Variants in CLOCK observed in about 807,000 individuals in gnomAD.
CLOCK encodes clock circadian regulator.
Under a neutral mutation model 118.4 loss-of-function variants are expected in CLOCK, and 43 were observed. The ratio of observed to expected loss-of-function variants is 0.36; its 90% CI spans 0.28 to 0.47. The LOEUF is 0.47. Among genes scored for constraint, CLOCK ranks in the 20% least tolerant of loss-of-function variants. The pLI, the probability that CLOCK is intolerant of heterozygous loss-of-function variation, is 1.00. For missense variants in CLOCK, 846 were observed against 999.9 expected (o/e 0.85, Z 2.08); for synonymous variants, 326 against 339.2 (o/e 0.96, Z 0.43).
rs537225159 is a variant in CLOCK, at chr4:55,522,515, G to A, written c.-289-12450C>T. 1.3e-4 allele frequency among the ~76,000 whole-genome samples: 19 copies of A among 149,214 alleles called. No individual in the cohort carries two copies. The South Asian group carries it at 4.0e-3, about 31-fold the overall frequency. The stretch of plus-strand genomic sequence containing the variant: ...AAACTGTTTTTTTTTAAAAAAAAAA[G>A]AAGCATAAAGAACGAATAAACATAA... On this transcript the variant is annotated intron_variant, in intron 1 of 22. Transcript: ENST00000513440.
intron 1 of CLOCK, among the ~76,000 whole-genome samples, chr4:55,528,295 G>A (rs2110080651): frequency 6.6e-6 from 1 of 151,682 alleles, no homozygotes; most frequent in East Asian, 1.9e-4. Flanking sequence ...GCAGTGAGCC[G>A]AGATCATGCC....
At chr4:55,525,413 TATG>T (rs1207708964) in intron 1 of CLOCK, among the ~76,000 whole-genome samples, 1 of 152,178 alleles carries the variant, frequency 6.6e-6, no homozygotes, top group African/African-American at 2.4e-5. Context: ...AATTGGTAAT[TATG>T]ATAAGCTATG....
intron 8 of CLOCK, among the ~76,000 whole-genome samples, chr4:55,470,381 C>T (rs1304927198): frequency 6.6e-6 from 1 of 152,146 alleles, no homozygotes; most frequent in African/African-American, 2.4e-5. Context: ...AGTCTAAGAG[C>T]AACAGGCTAT....
At chr4:55,530,213 A>C (rs1384767752) in intron 1 of CLOCK, among the ~76,000 whole-genome samples, 1 of 151,740 alleles carries the variant, frequency 6.6e-6, no homozygotes, top group East Asian at 1.9e-4. Flanking sequence ...CGAAGGACAA[A>C]GATAAGATAC....
At chr4:55,449,328 G>A (rs1258353205) in intron 17 of CLOCK, 68 bp downstream of exon 17, 3 of 1,376,420 alleles carry the variant, frequency 2.2e-6, no homozygotes, top group African/African-American at 1.4e-5. Flanking sequence ...ATGAATTTCT[G>A]AAGATTTAGA....
chr4:55,470,463 C>T (rs1217972002), intron 8 of CLOCK, among the ~76,000 whole-genome samples: 2 of 152,096 alleles, frequency 1.3e-5, no homozygotes, highest in Non-Finnish European at 2.9e-5. Flanking sequence ...ATGATGTTCA[C>T]ACAGTGACAA....
chr4:55,541,716 C>A (rs1028803681), intron 1 of CLOCK, among the ~76,000 whole-genome samples: 2 of 151,988 alleles, frequency 1.3e-5, no homozygotes, highest in African/African-American at 4.8e-5. Flanking sequence ...TTCTAGCAAT[C>A]CTGAAATGAT....
At chr4:55,440,368 A>C (rs541306392) in intron 21 of CLOCK, among the ~76,000 whole-genome samples, 13 of 152,174 alleles carry the variant, frequency 8.5e-5, no homozygotes, top group Middle Eastern at 3.4e-3. Flanking sequence ...CAATAACCCC[A>C]AAAAAATGAT....
At chr4:55,448,594 A>ATG (rs1553891179) in intron 18 of CLOCK, among the ~76,000 whole-genome samples, 185 bp downstream of exon 18, 19 of 81,340 alleles carry the variant, frequency 2.3e-4, no homozygotes, top group Admixed American at 1.1e-3. Context: ...GCGCGCGCGC[A>ATG]CGCGCGCGTG....
chr4:55,436,008 C>T (rs1193928027), intron 22 of CLOCK, among the ~76,000 whole-genome samples: 3 of 152,118 alleles, frequency 2.0e-5, no homozygotes, highest in Admixed American at 6.6e-5. Context: ...CTGGTTAGAG[C>T]GGCACAGTTA....
chr4:55,545,904 G>C (rs1431986568), intron 1 of CLOCK: 2 of 152,210 alleles, frequency 1.3e-5, no homozygotes, highest in African/African-American at 2.4e-5. Context: ...GCCAACCCTC[G>C]AACCCGCGCG....
In CLOCK at chr4:55,476,143, A is replaced by T. The variant is rs1183128177; in HGVS notation, c.257-89T>A. 7 of 850,998 alleles carry T rather than the reference A, an allele frequency of 8.2e-6. No homozygotes were observed. The African/African-American group carries it at 1.2e-4, about 14-fold the overall frequency. The allele number at this position is 850,998 out of a possible 1,614,324, so 52.7% of individuals were successfully genotyped here. On this transcript the variant is annotated intron_variant, in intron 6 of 22. Transcript: ENST00000513440. ...AGTTATCTTGTCTCTTCCCATTCTA[A>T]TTAAAGATGACAACCGTAGGCATTA...
chr4:55,511,368 A>C (rs1729137650), intron 1 of CLOCK, among the ~76,000 whole-genome samples: 1 of 152,214 alleles, frequency 6.6e-6, no homozygotes, highest in Admixed American at 6.5e-5. Context: ...ACTTCTTGAC[A>C]CAATATTGAA....
intron 15 of CLOCK, among the ~76,000 whole-genome samples, chr4:55,451,163 ACTGT>A (rs1292501832): frequency 6.6e-6 from 1 of 152,052 alleles, no homozygotes; most frequent in East Asian, 1.9e-4. Flanking sequence ...ATCCTGGAAA[ACTGT>A]CTTTTAAACC....
intron 2 of CLOCK, among the ~76,000 whole-genome samples, chr4:55,506,566 A>G (rs938397427): frequency 2.0e-5 from 3 of 151,790 alleles, no homozygotes; most frequent in Non-Finnish European, 2.9e-5. Flanking sequence ...ATTTTATTTT[A>G]TATTTTATTT....
chr4:55,473,848 C>T (rs373192053), intron 7 of CLOCK, among the ~76,000 whole-genome samples: 2 of 152,036 alleles, frequency 1.3e-5, no homozygotes, highest in African/African-American at 2.4e-5. Flanking sequence ...CATAAGGTGG[C>T]GAATTTAAAT....
intron 1 of CLOCK, among the ~76,000 whole-genome samples, chr4:55,522,103 T>C (rs1467811300): frequency 6.6e-6 from 1 of 152,180 alleles, no homozygotes; most frequent in East Asian, 1.9e-4. Context: ...GATTTCTTTC[T>C]TACCACACGT....
chr4:55,474,753 G>A (rs1056776378), intron 7 of CLOCK, among the ~76,000 whole-genome samples: 11 of 152,192 alleles, frequency 7.2e-5, no homozygotes, highest in Admixed American at 7.2e-4. Context: ...GACATCTGAT[G>A]ACAGCACATC....
rs777572107 is a variant in CLOCK at position 55,444,639 on chromosome 4, C to T, written c.1686G>A (p.Gly562=). 1.2e-6 allele frequency: 2 copies of T among 1,613,878 alleles called. No individual in the cohort carries two copies. Among genetic ancestry groups the T allele is most frequent in the Non-Finnish European group, 1.7e-6 (2 of 1,179,998 alleles). ...QEQLQMVHGQ[G]LQMFLQQSNP... ...ATTCAAATATAACAATTACCTGCAG[C>T]CCCTGACCATGGACCATCTGAAGTT... Residue 562 remains glycine, a synonymous_variant, in exon 19 of 23, where the codon GGG becomes GGA. Coordinates refer to ENST00000513440, the MANE Select transcript of CLOCK (RefSeq NM_004898.4).
Sources: gnomAD v4.1 joint callset for allele counts (sites outside exome capture counted in the v4.1 genomes callset) on GRCh38, gnomAD v4.1.1 for gene constraint, MANE v1.5 for transcripts, NCBI Gene and HGNC (gene_info 2026-07-23, HGNC 2026-07-21) for gene names.